Variants in AS3MT observed in about 807,000 individuals in gnomAD.
The protein encoded by AS3MT is S-adenosyl-L-methionine:arsenic(III) methyltransferase.
Under a neutral mutation model 45.3 loss-of-function variants are expected in AS3MT, and 47 were observed. That is an observed-to-expected ratio of 1.04 (90% CI 0.82 to 1.32). The LOEUF (loss-of-function observed/expected upper bound fraction) is 1.32. Ranked by LOEUF, AS3MT falls within the 40% of genes most tolerant of loss-of-function variation. The pLI is 0.00. For missense variants in AS3MT, 396 were observed against 451.1 expected, an observed-to-expected ratio of 0.88 and a Z score of 1.11; for synonymous variants, 141 against 152.8, an observed-to-expected ratio of 0.92 and a Z score of 0.57.
intron 10 of AS3MT, among the ~76,000 whole-genome samples, chr10:102,892,548 A>T (rs964717542): frequency 6.6e-6 from 1 of 152,158 alleles, no homozygotes; most frequent in Non-Finnish European, 1.5e-5. Flanking sequence ...TCCCAATCAT[A>T]AAGAATTTCC....
intron 6 of AS3MT, among the ~76,000 whole-genome samples, chr10:102,875,544 G>T (rs1230683480): frequency 6.7e-6 from 1 of 150,354 alleles, no homozygotes; most frequent in Non-Finnish European, 1.5e-5. Context: ...CCAGCTACTT[G>T]GATGCTGAGG....
chr10:102,885,375 T>C (rs1048902411), intron 9 of AS3MT, among the ~76,000 whole-genome samples: 3 of 151,502 alleles, frequency 2.0e-5, no homozygotes, highest in Non-Finnish European at 4.4e-5. Context: ...GTCTCCCAGG[T>C]TGGAGTGCAG....
At chr10:102,869,967 C>T in intron 2 of AS3MT, 117 bp from the exon 3 acceptor site, 1 of 1,561,726 alleles carries the variant, frequency 6.4e-7, no homozygotes, top group Non-Finnish European at 8.7e-7. Context: ...AGGCTTCGAC[C>T]TTTCCAGGGA....
Position 102,873,296 on chromosome 10 carries a change from A to T in AS3MT, c.458+63A>T, listed in dbSNP as rs7903752. The T allele has an allele frequency of 7.5e-3, 9,345 of 1,240,842 alleles. 488 individuals carry two copies. In the African/African-American group the frequency reaches 0.12, roughly 15 times the overall value. 76.9% of individuals were successfully genotyped at this position (1,240,842 alleles called of 1,614,324 possible). A position where few individuals can be genotyped will look rare whatever the true frequency, so the allele number is the denominator to read the frequency against. On this transcript the variant is annotated intron_variant, in intron 5 of 10. Transcript: ENST00000369880. ...TTTCTTTATTATTATTATTATTATT[A>T]TTGAGATGGACTCTCGCTCTGTCAC... is the stretch of plus-strand genomic sequence containing the variant.
At chr10:102,886,616 C>A (rs1844962277) in intron 9 of AS3MT, among the ~76,000 whole-genome samples, 1 of 151,836 alleles carries the variant, frequency 6.6e-6, no homozygotes, top group African/African-American at 2.4e-5. Context: ...TTGTGCCCGG[C>A]CCTTCTTTCC....
intron 10 of AS3MT, among the ~76,000 whole-genome samples, chr10:102,899,946 C>A (rs573282395): frequency 6.6e-6 from 1 of 152,318 alleles, no homozygotes; most frequent in East Asian, 1.9e-4. Flanking sequence ...GGATTACAGG[C>A]GTGAGCCACC....
intron 9 of AS3MT, among the ~76,000 whole-genome samples, chr10:102,879,663 G>A (rs924314891): frequency 1.3e-5 from 2 of 151,422 alleles, no homozygotes; most frequent in Non-Finnish European, 2.9e-5. Flanking sequence ...CAACTACTCT[G>A]GAGGCTGAGG....
intron 9 of AS3MT, among the ~76,000 whole-genome samples, chr10:102,889,630 T>TCCTTCCTTCCTA (rs1845029117): frequency 8.5e-6 from 1 of 117,406 alleles, no homozygotes; most frequent in Non-Finnish European, 1.9e-5. Flanking sequence ...CTTCCTTCCT[T>TCCTTCCTTCCTA]CCTTCCTTCC....
rs934736499 is a variant in AS3MT, at chr10:102,887,265, G to A, written c.886-3279G>A. Among the ~76,000 whole-genome samples, 4 of 152,198 alleles carry A rather than the reference G, an allele frequency of 2.6e-5. No individual in the cohort carries two copies. The East Asian group carries it at 5.8e-4, about 22-fold the overall frequency. ...TAAGATATAGTCTATGCTGGAGAAT[G>A]TTCCATGTGCTATTGAGCAGAATGT... On this transcript the variant is annotated intron_variant, in intron 9 of 10. Coordinates refer to ENST00000369880, the MANE Select transcript of AS3MT (RefSeq NM_020682.4).
chr10:102,900,518 A>G, intron 10 of AS3MT, 75 bp from the exon 11 acceptor site: 1 of 1,071,148 alleles, frequency 9.3e-7, no homozygotes. Context: ...AACCTAAATC[A>G]AACAGAAATA....
intron 10 of AS3MT, among the ~76,000 whole-genome samples, chr10:102,897,018 G>A (rs1845184526): frequency 6.6e-6 from 1 of 152,148 alleles, no homozygotes; most frequent in Non-Finnish European, 1.5e-5. Flanking sequence ...AGCTGCTGGT[G>A]AGAATCAATA....
At chr10:102,869,921 C>T (rs1215816551) in intron 2 of AS3MT, 76 bp downstream of exon 2, 2 of 1,592,560 alleles carry the variant, frequency 1.3e-6, no homozygotes, top group Non-Finnish European at 8.6e-7. Context: ...GCACCCTGTC[C>T]CCCGGGACTC....
chr10:102,879,275 C>T (rs1395606905), intron 9 of AS3MT, among the ~76,000 whole-genome samples: 1 of 152,140 alleles, frequency 6.6e-6, no homozygotes, highest in African/African-American at 2.4e-5. Context: ...CCTCCCACCT[C>T]AGGCTTCTGA....
intron 9 of AS3MT, among the ~76,000 whole-genome samples, chr10:102,889,614 G>GCCTGCCTGCCTGCCTTCCTT (rs559139049): frequency 3.7e-4 from 42 of 114,044 alleles, no homozygotes; most frequent in South Asian, 1.0e-3. Context: ...CTGTCTGCCT[G>GCCTGCCTGCCTGCCTTCCTT]CCTTCCTTCC....
intron 6 of AS3MT, among the ~76,000 whole-genome samples, chr10:102,876,735 T>C (rs1844789957): frequency 6.6e-6 from 1 of 152,228 alleles, no homozygotes; most frequent in Admixed American, 6.5e-5. Context: ...TAGAATGTGA[T>C]TTTATTACCT....
chr10:102,869,707 C>G (rs549978180), intron 1 of AS3MT, 98 bp from the exon 2 acceptor site: 44 of 1,610,120 alleles, frequency 2.7e-5, no homozygotes, highest in Non-Finnish European at 3.5e-5. Flanking sequence ...TTGTCCTCCC[C>G]TCACCCCTCG....
chr10:102,877,853 A>G (rs1385536148), intron 7 of AS3MT, among the ~76,000 whole-genome samples: 1 of 149,866 alleles, frequency 6.7e-6, no homozygotes, highest in East Asian at 2.0e-4. Context: ...CCCGGGTTCA[A>G]GTGATTCTCC....
intron 10 of AS3MT, among the ~76,000 whole-genome samples, chr10:102,897,122 G>A (rs970749074): frequency 6.6e-6 from 1 of 152,012 alleles, no homozygotes; most frequent in African/African-American, 2.4e-5. Context: ...GGTGGCTCAC[G>A]CCTGTAATCC....
intron 10 of AS3MT, among the ~76,000 whole-genome samples, chr10:102,899,148 C>T (rs573203521): frequency 1.1e-4 from 17 of 152,286 alleles, no homozygotes; most frequent in Admixed American, 8.5e-4. Context: ...GTAGCCACCA[C>T]GCCCAACTAA....
Sources: gnomAD v4.1 joint callset for allele counts (sites outside exome capture counted in the v4.1 genomes callset) on GRCh38, gnomAD v4.1.1 for gene constraint, MANE v1.5 for transcripts, NCBI Gene and HGNC (gene_info 2026-07-23, HGNC 2026-07-21) for gene names.